The following APTX variants were observed in gnomAD, a reference collection of about 807,000 sequenced individuals.
APTX encodes forkhead-associated domain histidine triad-like protein.
A neutral mutation model predicts 42.3 loss-of-function variants in APTX; 33 were observed. The observed-to-expected ratio is 0.78, with a 90% CI of 0.59 to 1.04. APTX has a LOEUF of 1.04. Ranked by LOEUF, APTX falls within the 50% of genes least tolerant of loss-of-function variation. APTX has a pLI of 0.00. For synonymous variants in APTX, 130 were observed against 146.7 expected (o/e 0.89, Z 0.82); for missense variants, 421 against 415.1 (o/e 1.01, Z -0.12).
chr9:32,986,748 A>G (rs1197992403), intron 4 of APTX, among the ~76,000 whole-genome samples: 1 of 147,542 alleles, frequency 6.8e-6, no homozygotes, highest in Non-Finnish European at 1.5e-5. Flanking sequence ...TGATCTGCCC[A>G]TCTCGGCCTC....
intron 1 of APTX, among the ~76,000 whole-genome samples, chr9:33,006,833 T>C (rs1837180315): frequency 6.6e-6 from 1 of 151,356 alleles, no homozygotes. Context: ...ACCCCGTCTC[T>C]ACTAAAAATA....
chr9:33,001,470 A>C (rs1563992431), intron 1 of APTX, 97 bp downstream of exon 1: 1 of 1,596,238 alleles, frequency 6.3e-7, no homozygotes, highest in Non-Finnish European at 8.5e-7. Context: ...AGCGTCATTC[A>C]AGGCACATCA....
Position 32,973,568 on chromosome 9 carries a change from TGAC to T in APTX, c.956_958del (p.Cys319_His320delinsTyr), listed in dbSNP as rs1370271444. 1 of 1,613,920 alleles carries T rather than the reference TGAC, an allele frequency of 6.2e-7. No individual in the cohort carries two copies. The highest frequency in any genetic ancestry group is 8.5e-7 in the Non-Finnish European group (1 of 1,179,992). On this transcript the variant is annotated inframe_deletion, in exon 8 of 8. Coordinates refer to ENST00000379817, the MANE Select transcript of APTX (RefSeq NM_001195248.2). ...GGAAGGCAGCAGCTGCTGGCACTCATGACAACGAAGGGGCAGCTTCAAGAGCTC... is the reference window on the plus strand; with the variant it reads ...GGAAGGCAGCAGCTGCTGGCACTCATAACGAAGGGGCAGCTTCAAGAGCTC...
At chr9:32,991,779 G>GA (rs35551187) in intron 1 of APTX, among the ~76,000 whole-genome samples, 5,299 of 124,044 alleles carry the variant, frequency 0.043, 149 homozygotes, top group Non-Finnish European at 0.064. Context: ...TCCATCTCAA[G>GA]AAAAAAAAAA....
chr9:33,011,061 T>C (rs1310655534), intron 1 of APTX, among the ~76,000 whole-genome samples: 2 of 151,514 alleles, frequency 1.3e-5, no homozygotes, highest in East Asian at 2.0e-4. Context: ...GAAAATTGCT[T>C]GAACCTGAGA....
chr9:32,973,711 C>CAAAAAAAAAAAAAAAAAAAAAAAAAA, intron 7 of APTX, 59 bp from the exon 8 acceptor site: 2 of 1,331,628 alleles, frequency 1.5e-6, no homozygotes, highest in Non-Finnish European at 2.1e-6. Context: ...TATGAGATAC[C>CAAAAAAAAAAAAAAAAAAAAAAAAAA]AAAAAAAAAA....
intron 1 of APTX, among the ~76,000 whole-genome samples, chr9:32,992,220 G>C (rs1204710037): frequency 6.6e-6 from 1 of 152,158 alleles, no homozygotes; most frequent in African/African-American, 2.4e-5. Flanking sequence ...CAAGTTTCAT[G>C]TCCATAAGCA....
At chr9:32,974,685 T>C (rs960139513) in intron 6 of APTX, 124 bp from the exon 7 acceptor site, 3 of 669,938 alleles carry the variant, frequency 4.5e-6, no homozygotes, top group Non-Finnish European at 8.1e-6. Context: ...ATTCATACTA[T>C]TGAAGTGATA....
chr9:32,988,807 A>G (rs913425311), intron 2 of APTX, among the ~76,000 whole-genome samples: 2 of 152,224 alleles, frequency 1.3e-5, no homozygotes, highest in Non-Finnish European at 2.9e-5. Flanking sequence ...TTTAAAAGAT[A>G]AAACAGTAAA....
At chr9:32,978,957 A>AT (rs981354195) in intron 6 of APTX, among the ~76,000 whole-genome samples, 2 of 152,090 alleles carry the variant, frequency 1.3e-5, no homozygotes, top group African/African-American at 4.8e-5. Context: ...CTAAAAGCAT[A>AT]TTTTTTTGGA....
chr9:32,982,146 C>G (rs1288975701), intron 6 of APTX, among the ~76,000 whole-genome samples: 1 of 152,070 alleles, frequency 6.6e-6, no homozygotes, highest in Non-Finnish European at 1.5e-5. Flanking sequence ...AATATCACTT[C>G]AGTGATTAAA....
upstream of APTX, among the ~76,000 whole-genome samples, chr9:33,003,680 C>A (rs1365923859): frequency 6.6e-6 from 1 of 152,162 alleles, no homozygotes; most frequent in African/African-American, 2.4e-5. Context: ...TTCCCTCCCC[C>A]ACCTGGCAAC....
At chr9:32,984,990 GGA>G in intron 5 of APTX, 133 bp from the exon 6 acceptor site, 1 of 790,206 alleles carries the variant, frequency 1.3e-6, no homozygotes, top group South Asian at 1.5e-5. Context: ...TTTTGAGAGA[GGA>G]GAGCACTGAA....
At position 32,989,821 on chromosome 9, in the gene APTX, G is replaced by C. The variant is rs1466682371; in HGVS notation, c.71C>G (p.Ala24Gly). Residue 24 changes from alanine (A) to glycine (G), a missense_variant, in exon 2 of 8, where the codon GCA becomes GGA. Physicochemically the swap from Ala to Gly is moderately conservative, Grantham distance 60. Transcript: ENST00000379817. ...CTCTGGGCCACGCCCAATCACAACT[G>C]CTTCCAAATGTGGAAGTCTGATTCG... ...HQRIRLPHLE[A>G]VVIGRGPETK... The C allele has an allele frequency of 6.2e-7, 1 of 1,614,230 alleles. No individual in the cohort carries two copies. The highest frequency in any genetic ancestry group is 1.1e-5 in the South Asian group (1 of 91,090).
rs1833580000 is a variant in APTX at position 32,991,329 on chromosome 9, C to CAAAAA, written c.-4-1435_-4-1434insTTTTT. Reference sequence around the variant, plus strand: ...TTCTTTTGAAAAACAACCCTTATGGCCATGTGGACTATCAGTAAAAGAGAA... The same window carrying CAAAAA: ...TTCTTTTGAAAAACAACCCTTATGGCAAAAACATGTGGACTATCAGTAAAAGAGAA... On this transcript the variant is annotated intron_variant, in intron 1 of 7. Transcript: ENST00000379817. Among the ~76,000 whole-genome samples the CAAAAA allele has an allele frequency of 3.9e-5, 6 of 152,144 alleles. No individual in the cohort carries two copies. In the South Asian group the frequency reaches 1.0e-3, roughly 26 times the overall value.
chr9:32,984,327 G>A (rs966094785), intron 6 of APTX, among the ~76,000 whole-genome samples: 4 of 152,182 alleles, frequency 2.6e-5, no homozygotes, highest in Non-Finnish European at 5.9e-5. Flanking sequence ...AAAAGCCACT[G>A]ACCACAATTC....
upstream of APTX, among the ~76,000 whole-genome samples, chr9:33,003,499 G>T (rs143817210): frequency 8.1e-4 from 124 of 152,258 alleles, 1 homozygote; most frequent in East Asian, 0.023. Flanking sequence ...TGGCGTGGCG[G>T]AACTCGCCTG....
upstream of APTX, among the ~76,000 whole-genome samples, chr9:33,004,630 C>CTTTTTTT (rs3065216): frequency 1.3e-4 from 16 of 125,682 alleles, no homozygotes; most frequent in Admixed American, 1.7e-4. Flanking sequence ...CTTGCCAACC[C>CTTTTTTT]TTTTTTTTTT....
At chr9:33,001,756 T>C, upstream of APTX, 1 of 978,644 alleles carries the variant, frequency 1.0e-6, no homozygotes, top group East Asian at 2.6e-5. Context: ...GGGTTCTCTC[T>C]GGGCCGTGGT....
Sources: gnomAD v4.1 joint callset for allele counts (sites outside exome capture counted in the v4.1 genomes callset) on GRCh38, gnomAD v4.1.1 for gene constraint, MANE v1.5 for transcripts, NCBI Gene and HGNC (gene_info 2026-07-23, HGNC 2026-07-21) for gene names.